The following CDC42BPA variants were observed in gnomAD, a reference collection of about 807,000 sequenced individuals.
The protein encoded by CDC42BPA is CDC42 binding protein kinase alpha.
In CDC42BPA, 80 loss-of-function variants were observed where a neutral mutation model predicts 223.5. The ratio of observed to expected loss-of-function variants is 0.36; its 90% confidence interval spans 0.30 to 0.43. The LOEUF (loss-of-function observed/expected upper bound fraction) is 0.43. Among genes scored for constraint, CDC42BPA ranks in the 20% least tolerant of loss-of-function variants. The pLI, the probability that CDC42BPA is intolerant of heterozygous loss-of-function variation, is 1.00. For synonymous variants in CDC42BPA, 694 were observed against 718.6 expected (o/e 0.97, Z 0.55); for missense variants, 1,743 against 2,099.9 (o/e 0.83, Z 3.32).
Position 227,066,252 on chromosome 1 carries a change from G to A in CDC42BPA, c.2904+3525C>T, listed in dbSNP as rs192443543. Among the ~76,000 whole-genome samples, 906 of 152,020 alleles carry A rather than the reference G, an allele frequency of 6.0e-3. 10 individuals carry two copies. The highest frequency in any genetic ancestry group is 0.021 in the African/African-American group (852 of 41,488). ...AAAAATACAAAAATTAGCTAGGCAC[G>A]GGGGGCATGCACCTGTAGTCCCAGC... On this transcript the variant is annotated intron_variant, in intron 21 of 36. Transcript: ENST00000366766.
chr1:227,233,914 C>G (rs9426609), intron 2 of CDC42BPA, among the ~76,000 whole-genome samples: 14,921 of 152,182 alleles, frequency 0.098, 1,179 homozygotes, highest in East Asian at 0.36. Context: ...GCCTGGGTGA[C>G]AGGACGAGAC....
intron 35 of CDC42BPA, chr1:227,003,963 CAT>C (rs1014702129): frequency 6.6e-5 from 10 of 152,094 alleles, no homozygotes; most frequent in African/African-American, 2.4e-4. Flanking sequence ...GAACCTCAAA[CAT>C]GTGTACTGCA....
At chr1:227,040,873 T>C (rs1327110149) in intron 23 of CDC42BPA, among the ~76,000 whole-genome samples, 1 of 152,212 alleles carries the variant, frequency 6.6e-6, no homozygotes, top group East Asian at 1.9e-4. Context: ...ATTTACATGG[T>C]GGTAAGCAAA....
chr1:227,273,130 T>C (rs1686242372), intron 1 of CDC42BPA, among the ~76,000 whole-genome samples: 1 of 152,092 alleles, frequency 6.6e-6, no homozygotes. Context: ...AAACCCCATC[T>C]CTACCAAAAA....
chr1:227,242,653 A>G (rs986099521), intron 2 of CDC42BPA, among the ~76,000 whole-genome samples: 1 of 152,174 alleles, frequency 6.6e-6, no homozygotes, highest in Non-Finnish European at 1.5e-5. Context: ...CTTACTAAAA[A>G]ACATCAGACT....
At chr1:227,307,188 T>C (rs1692707692) in intron 1 of CDC42BPA, among the ~76,000 whole-genome samples, 1 of 152,196 alleles carries the variant, frequency 6.6e-6, no homozygotes, top group African/African-American at 2.4e-5. Context: ...GTATCAAGTC[T>C]CACTGTCCTT....
At chr1:227,303,432 A>G (rs1283929429) in intron 1 of CDC42BPA, among the ~76,000 whole-genome samples, 2 of 152,194 alleles carry the variant, frequency 1.3e-5, no homozygotes. Flanking sequence ...AACTATGCCT[A>G]TGTTGCCCAA....
intron 2 of CDC42BPA, among the ~76,000 whole-genome samples, chr1:227,219,863 T>C (rs1163631963): frequency 6.6e-6 from 1 of 152,240 alleles, no homozygotes; most frequent in Admixed American, 6.5e-5. Flanking sequence ...ACTACCTTTC[T>C]ATACAAAATC....
intron 1 of CDC42BPA, among the ~76,000 whole-genome samples, chr1:227,308,306 G>C (rs1053969048): frequency 6.6e-6 from 1 of 152,072 alleles, no homozygotes; most frequent in Admixed American, 6.6e-5. Flanking sequence ...AGGAGTTCAA[G>C]ATGAACCTGG....
At chr1:227,262,890 A>C (rs191687906) in intron 1 of CDC42BPA, among the ~76,000 whole-genome samples, 37 of 152,324 alleles carry the variant, frequency 2.4e-4, no homozygotes, top group Non-Finnish European at 5.0e-4. Context: ...TTAATCACAA[A>C]GAGTTAATGA....
chr1:227,115,085 C>T (rs1558529333), intron 12 of CDC42BPA, among the ~76,000 whole-genome samples: 1 of 151,986 alleles, frequency 6.6e-6, no homozygotes, highest in Non-Finnish European at 1.5e-5. Flanking sequence ...CTTAACATTA[C>T]TTAACTGTGC....
chr1:227,317,217 T>G lies in CDC42BPA; in HGVS notation c.-35A>C. 6.3e-7 allele frequency: 1 copy of G among 1,581,790 alleles called. No individual in the cohort carries two copies. Among genetic ancestry groups the G allele is most frequent in the Non-Finnish European group, 8.6e-7 (1 of 1,165,120 alleles). ...GATTTCTGCTGGTTTTCCTTTAAAT[T>G]ATTATGATGACTTTTACTATTATCT... is the stretch of plus-strand genomic sequence containing the variant. On this transcript the variant is annotated 5_prime_UTR_variant, in exon 1 of 37. Transcript: ENST00000366766.
intron 5 of CDC42BPA, 71 bp downstream of exon 5, chr1:227,193,715 C>A: frequency 8.4e-7 from 1 of 1,185,708 alleles, no homozygotes; most frequent in Non-Finnish European, 1.2e-6. Context: ...ATAAATCTGG[C>A]AAGAAATAGG....
intron 16 of CDC42BPA, among the ~76,000 whole-genome samples, chr1:227,085,619 A>C (rs1398833880): frequency 6.6e-6 from 1 of 151,976 alleles, no homozygotes; most frequent in Non-Finnish European, 1.5e-5. Context: ...ACAACAACAA[A>C]TTGTTTTATG....
intron 1 of CDC42BPA, among the ~76,000 whole-genome samples, chr1:227,277,897 C>T (rs1365732205): frequency 6.6e-6 from 1 of 152,052 alleles, no homozygotes; most frequent in Non-Finnish European, 1.5e-5. Flanking sequence ...CTACAGGCAC[C>T]CGCCACGACG....
chr1:227,154,646 T>C (rs1662391739), intron 6 of CDC42BPA, among the ~76,000 whole-genome samples: 1 of 151,992 alleles, frequency 6.6e-6, no homozygotes, highest in Admixed American at 6.6e-5. Context: ...CCATAAGTCG[T>C]TTAGGAGCAA....
At chr1:227,024,324 T>C (rs1017531126) in intron 31 of CDC42BPA, among the ~76,000 whole-genome samples, 4 of 152,182 alleles carry the variant, frequency 2.6e-5, no homozygotes, top group African/African-American at 9.7e-5. Context: ...CAATGGAAAG[T>C]ACTAGGATGT....
intron 34 of CDC42BPA, among the ~76,000 whole-genome samples, chr1:227,009,433 T>C (rs577541630): frequency 8.5e-4 from 130 of 152,194 alleles, no homozygotes; most frequent in South Asian, 3.1e-3. Context: ...TTTTGAGACA[T>C]AGCCTTTCTC....
chr1:227,316,235 G>A (rs1694366931), intron 1 of CDC42BPA, among the ~76,000 whole-genome samples: 2 of 152,170 alleles, frequency 1.3e-5, no homozygotes, highest in African/African-American at 4.8e-5. Context: ...TGAAGAACTT[G>A]AGCCAAGCCT....
Sources: allele counts gnomAD v4.1 joint callset (sites outside exome capture counted in the v4.1 genomes callset), GRCh38; gene constraint gnomAD v4.1.1; transcripts MANE v1.5; gene names NCBI Gene and HGNC (gene_info 2026-07-23, HGNC 2026-07-21).